Variants in XPR1 observed in about 807,000 individuals in gnomAD.
XPR1 encodes xenotropic and polytropic retrovirus receptor 1.
In XPR1, 28 loss-of-function variants were observed where a neutral mutation model predicts 87.5. The observed-to-expected ratio is 0.32, with a 90% CI of 0.24 to 0.44. XPR1 has a LOEUF of 0.44. Among genes scored for constraint, XPR1 ranks in the 20% least tolerant of loss-of-function variants. The pLI is 1.00. For synonymous variants in XPR1, 300 were observed against 306.1 expected, an observed-to-expected ratio of 0.98 and a Z score of 0.21; for missense variants, 559 against 862.3, an observed-to-expected ratio of 0.65 and a Z score of 4.41.
intron 3 of XPR1, among the ~76,000 whole-genome samples, chr1:180,790,668 T>C (rs1437223718): frequency 6.6e-6 from 1 of 151,890 alleles, no homozygotes; most frequent in East Asian, 1.9e-4. Context: ...GCCTCCCGAG[T>C]AGCTGGGACT....
intron 1 of XPR1, among the ~76,000 whole-genome samples, chr1:180,656,073 T>G (rs1413183357): frequency 6.6e-6 from 1 of 151,666 alleles, no homozygotes; most frequent in Non-Finnish European, 1.5e-5. Context: ...AACTATTTTT[T>G]GGTACCCATT....
At chr1:180,707,398 C>T (rs543843059) in intron 2 of XPR1, among the ~76,000 whole-genome samples, 1 of 152,294 alleles carries the variant, frequency 6.6e-6, no homozygotes, top group South Asian at 2.1e-4. Flanking sequence ...TATGTATTTT[C>T]ATCATTTAGC....
intron 2 of XPR1, among the ~76,000 whole-genome samples, chr1:180,748,400 C>CTTTTTT (rs71297873): frequency 0.011 from 315 of 29,684 alleles, 51 homozygotes; most frequent in East Asian, 0.029. Context: ...TTATTTATGT[C>CTTTTTT]TTTTTTTTTT....
At chr1:180,696,703 A>G (rs1054698264) in intron 2 of XPR1, among the ~76,000 whole-genome samples, 3 of 152,212 alleles carry the variant, frequency 2.0e-5, no homozygotes, top group African/African-American at 7.2e-5. Flanking sequence ...ATGAAAGGAC[A>G]TTGAATTTTA....
intron 2 of XPR1, among the ~76,000 whole-genome samples, chr1:180,768,222 GTT>G (rs199597515): frequency 6.8e-6 from 1 of 146,134 alleles, no homozygotes; most frequent in Non-Finnish European, 1.5e-5. Context: ...TTACTATAGA[GTT>G]TTTTTTTTTT....
Position 180,873,700 on chromosome 1 carries a change from G to A in XPR1, c.1669-103G>A, listed in dbSNP as rs1321177945. ...TTTCCTCTTGAGCCTGTGCTTATTC[G>A]TAGGACATGTGTGAGTCTTGTTTGT... On this transcript the variant is annotated intron_variant, in intron 12 of 14. Transcript: ENST00000367590. 2.4e-5 allele frequency: 31 copies of A among 1,277,428 alleles called. No homozygotes were observed. The Middle Eastern group carries it at 6.0e-4, about 25-fold the overall frequency. The allele number at this position is 1,277,428 out of a possible 1,614,324, so 79.1% of individuals were successfully genotyped here.
At chr1:180,831,184 G>A (rs909658440) in intron 9 of XPR1, among the ~76,000 whole-genome samples, 3 of 152,068 alleles carry the variant, frequency 2.0e-5, no homozygotes, top group African/African-American at 7.2e-5. Context: ...TCCTCTGTAA[G>A]CAAAGAAGAG....
chr1:180,754,216 T>C (rs952225140), intron 2 of XPR1, among the ~76,000 whole-genome samples: 3 of 152,230 alleles, frequency 2.0e-5, no homozygotes, highest in Admixed American at 6.5e-5. Context: ...TCTTATACTA[T>C]TATCTATTCT....
At chr1:180,633,456 A>G (rs891126699) in intron 1 of XPR1, among the ~76,000 whole-genome samples, 4 of 152,238 alleles carry the variant, frequency 2.6e-5, no homozygotes, top group Non-Finnish European at 5.9e-5. Context: ...ATATAAGTTT[A>G]GTGATAGGAG....
chr1:180,795,710 A>G (rs1649546797), intron 3 of XPR1, among the ~76,000 whole-genome samples: 1 of 152,224 alleles, frequency 6.6e-6, no homozygotes, highest in Non-Finnish European at 1.5e-5. Flanking sequence ...GAAGTTCTAC[A>G]CTGTTTTTGG....
intron 1 of XPR1, among the ~76,000 whole-genome samples, chr1:180,656,638 ATATAT>A (rs1470743581): frequency 1.8e-4 from 18 of 100,574 alleles, no homozygotes; most frequent in Non-Finnish European, 2.9e-4. Flanking sequence ...TGTATGTATA[ATATAT>A]TATTATATAT....
rs139756597 is a variant in XPR1, at chr1:180,800,046, T to C, written c.224-3342T>C. ...TAAGGAAAAGTTCCAGGAACTGTTA[T>C]AGCCCTTTCTTCATCATGTTCCTTC... On this transcript the variant is annotated intron_variant, in intron 3 of 14. Transcript: ENST00000367590. 7.4e-4 allele frequency among the ~76,000 whole-genome samples: 112 copies of C among 152,358 alleles called. 1 individual carries two copies. The highest frequency in any genetic ancestry group is 3.4e-3 in the Middle Eastern group (1 of 294).
chr1:180,679,205 AAAAC>A (rs950232076), intron 1 of XPR1, among the ~76,000 whole-genome samples: 19 of 151,156 alleles, frequency 1.3e-4, no homozygotes, highest in African/African-American at 2.4e-4. Flanking sequence ...AAAAAACAAA[AAAAC>A]AAACAAACAA....
At position 180,632,150 on chromosome 1, in the gene XPR1, G is replaced by C. The variant is rs904412158; in HGVS notation, c.-52G>C. 2 of 1,572,458 alleles carry C rather than the reference G, an allele frequency of 1.3e-6. No homozygotes were observed. The highest frequency in any genetic ancestry group is 1.7e-6 in the Non-Finnish European group (2 of 1,159,392). On this transcript the variant is annotated 5_prime_UTR_variant, in exon 1 of 15. Transcript: ENST00000367590. The stretch of plus-strand genomic sequence containing the variant: ...GGGAGGAGTCGGAGTCGCTGTTGCC[G>C]CCGCCGCCTGTAGCTGCTGGACCCG...
chr1:180,866,623 A>T (rs1652400899), intron 12 of XPR1, among the ~76,000 whole-genome samples: 1 of 152,158 alleles, frequency 6.6e-6, no homozygotes, highest in African/African-American at 2.4e-5. Context: ...GTGAATGTGG[A>T]TTTACCCAAA....
chr1:180,640,976 T>G (rs1037631270), intron 1 of XPR1, among the ~76,000 whole-genome samples: 1 of 152,224 alleles, frequency 6.6e-6, no homozygotes, highest in African/African-American at 2.4e-5. Flanking sequence ...TATATGGTTT[T>G]GTTTGTAGCT....
chr1:180,765,550 C>G (rs1211836680), intron 2 of XPR1, among the ~76,000 whole-genome samples: 3 of 152,150 alleles, frequency 2.0e-5, no homozygotes, highest in Non-Finnish European at 2.9e-5. Context: ...GGACTCCCCT[C>G]AGATATCTAT....
Position 180,884,990 on chromosome 1 carries a change from A to AT in XPR1, c.*931dup, listed in dbSNP as rs1295978021. On this transcript the variant is annotated 3_prime_UTR_variant, in exon 15 of 15. Transcript: ENST00000367590. ...GAATTTCATGGAAGAGGTTCTGATA[A>AT]TTTTTTTAACTTTTTAAGGAACAGA... 6.6e-6 allele frequency: 1 copy of AT among 152,268 alleles called. No homozygotes were observed. The highest frequency in any genetic ancestry group is 1.5e-5 in the Non-Finnish European group (1 of 68,024). The allele number at this position is 152,268 out of a possible 1,614,324, so 9.4% of individuals were successfully genotyped here. A position where few individuals can be genotyped will look rare whatever the true frequency, so the allele number is the denominator to read the frequency against.
chr1:180,881,124 T>A (rs60946005), intron 14 of XPR1, among the ~76,000 whole-genome samples: 209 of 152,206 alleles, frequency 1.4e-3, no homozygotes, highest in African/African-American at 5.0e-3. Context: ...TGTAAAAGGC[T>A]GAAAATGCAA....
Sources: allele counts gnomAD v4.1 joint callset (sites outside exome capture counted in the v4.1 genomes callset), GRCh38; gene constraint gnomAD v4.1.1; transcripts MANE v1.5; gene names NCBI Gene and HGNC (gene_info 2026-07-23, HGNC 2026-07-21).